OSTF1: variants seen among roughly 807,000 people sequenced by gnomAD.
OSTF1 encodes osteoclast stimulating factor 1.
Under a neutral mutation model 37.2 loss-of-function variants are expected in OSTF1, and 27 were observed. That is an observed-to-expected ratio of 0.73 (90% CI 0.54 to 1.00). OSTF1 has a LOEUF of 1.00. Among genes scored for constraint, OSTF1 ranks in the 50% least tolerant of loss-of-function variants. The pLI is 0.00. For missense variants in OSTF1, 232 were observed against 253.8 expected, an observed-to-expected ratio of 0.91 and a Z score of 0.58; for synonymous variants, 82 against 89.2, an observed-to-expected ratio of 0.92 and a Z score of 0.46.
intron 7 of OSTF1, among the ~76,000 whole-genome samples, chr9:75,136,698 C>T (rs186990561): frequency 8.0e-4 from 122 of 152,286 alleles, no homozygotes; most frequent in African/African-American, 2.6e-3. Flanking sequence ...GGCCCTTATC[C>T]ATTCATTTTT....
chr9:75,122,725 G>A (rs1825599333), intron 2 of OSTF1, among the ~76,000 whole-genome samples: 1 of 152,124 alleles, frequency 6.6e-6, no homozygotes, highest in Non-Finnish European at 1.5e-5. Context: ...GTAACATGAT[G>A]ATAAGAATAG....
chr9:75,095,806 T>A (rs1300882529), intron 1 of OSTF1, among the ~76,000 whole-genome samples: 1 of 152,206 alleles, frequency 6.6e-6, no homozygotes, highest in Non-Finnish European at 1.5e-5. Context: ...TAACAGTTGC[T>A]GTAGGTGTTT....
At chr9:75,105,943 G>GAAA (rs1279934597) in intron 1 of OSTF1, among the ~76,000 whole-genome samples, 1 of 152,142 alleles carries the variant, frequency 6.6e-6, no homozygotes, top group East Asian at 1.9e-4. Context: ...TATAAGCAAA[G>GAAA]AAAAAATGGA....
chr9:75,117,457 A>C, intron 1 of OSTF1, 47 bp from the exon 2 acceptor site: 1 of 1,407,834 alleles, frequency 7.1e-7, no homozygotes, highest in East Asian at 2.3e-5. Flanking sequence ...ATTAAGAGCA[A>C]ATTCAGGAAT....
intron 2 of OSTF1, 42 bp from the exon 3 acceptor site, chr9:75,127,527 C>G (rs201254460): frequency 8.9e-7 from 1 of 1,125,808 alleles, no homozygotes; most frequent in African/African-American, 1.6e-5. Flanking sequence ...TATTCTAATT[C>G]ATGAAAAATC....
At chr9:75,114,387 A>G (rs530091584) in intron 1 of OSTF1, among the ~76,000 whole-genome samples, 10 of 152,276 alleles carry the variant, frequency 6.6e-5, no homozygotes, top group African/African-American at 2.4e-4. Context: ...ATTAACTAAA[A>G]TAATATTAAA....
At chr9:75,114,396 A>G (rs1055317436) in intron 1 of OSTF1, among the ~76,000 whole-genome samples, 4 of 152,172 alleles carry the variant, frequency 2.6e-5, no homozygotes, top group Admixed American at 2.0e-4. Context: ...AATAATATTA[A>G]AAATCAATTT....
intron 2 of OSTF1, among the ~76,000 whole-genome samples, chr9:75,123,788 A>C (rs555692682): frequency 6.6e-6 from 1 of 152,148 alleles, no homozygotes; most frequent in African/African-American, 2.4e-5. Flanking sequence ...AAAGAGAATA[A>C]ACTGTCGACT....
At chr9:75,100,458 G>A (rs371423093) in intron 1 of OSTF1, among the ~76,000 whole-genome samples, 3 of 152,030 alleles carry the variant, frequency 2.0e-5, no homozygotes, top group Non-Finnish European at 2.9e-5. Context: ...GGCCAGGCGC[G>A]GTGGCTCACG....
At chr9:75,139,027 C>CTTCTTTCT (rs201231543) in intron 8 of OSTF1, among the ~76,000 whole-genome samples, 2,797 of 120,534 alleles carry the variant, frequency 0.023, 264 homozygotes, top group African/African-American at 0.076. Context: ...TTTGGGGACA[C>CTTCTTTCT]TTCTTTCTTT....
intron 2 of OSTF1, among the ~76,000 whole-genome samples, chr9:75,123,285 G>T (rs1825609459): frequency 1.3e-5 from 2 of 152,220 alleles, no homozygotes; most frequent in South Asian, 4.1e-4. Flanking sequence ...AGCCGGGCGA[G>T]GTGGCAGGCA....
intron 1 of OSTF1, among the ~76,000 whole-genome samples, chr9:75,092,741 A>T (rs909958520): frequency 6.6e-6 from 1 of 152,170 alleles, no homozygotes; most frequent in African/African-American, 2.4e-5. Flanking sequence ...AAATAAAAAC[A>T]ATTACCCTCA....
chr9:75,123,468 CAG>C (rs1259183163), intron 2 of OSTF1, among the ~76,000 whole-genome samples: 2 of 152,146 alleles, frequency 1.3e-5, no homozygotes, highest in South Asian at 2.1e-4. Context: ...AAGCTGGAAA[CAG>C]AGAAGTGCAT....
chr9:75,134,242 G>T, intron 6 of OSTF1, 104 bp from the exon 7 acceptor site: 2 of 504,740 alleles, frequency 4.0e-6, no homozygotes, highest in South Asian at 3.5e-5. Context: ...ACATTTTCTT[G>T]AAGGTTCTTC....
rs1255461043 is a variant in OSTF1, at chr9:75,119,763, G to A, written c.81+2213G>A. ...GGGTGGATCACGAGGTCAGAAGATC[G>A]AGGCCATCCTGGCCAACATGGTGAA... On this transcript the variant is annotated intron_variant, in intron 2 of 9. Transcript: ENST00000346234. Among the ~76,000 whole-genome samples, 4 of 152,160 alleles carry A rather than the reference G, an allele frequency of 2.6e-5. No homozygotes were observed. In the East Asian group the frequency reaches 5.8e-4, roughly 22 times the overall value.
At chr9:75,107,603 C>T (rs932471312) in intron 1 of OSTF1, among the ~76,000 whole-genome samples, 1 of 152,188 alleles carries the variant, frequency 6.6e-6, no homozygotes, top group Non-Finnish European at 1.5e-5. Context: ...GTAACAATTC[C>T]TAATTTTATC....
intron 1 of OSTF1, among the ~76,000 whole-genome samples, 164 bp downstream of exon 1, chr9:75,088,890 C>T (rs547240718): frequency 5.9e-5 from 9 of 151,854 alleles, no homozygotes; most frequent in East Asian, 1.9e-4. Context: ...TTCGCTGTTA[C>T]GGAGGAGGGA....
intron 1 of OSTF1, among the ~76,000 whole-genome samples, chr9:75,106,004 A>G (rs1001073465): frequency 1.3e-5 from 2 of 152,226 alleles, no homozygotes; most frequent in Admixed American, 6.5e-5. Flanking sequence ...GAAAACACTC[A>G]GGCTACTGTT....
chr9:75,110,218 C>G (rs1368391169), intron 1 of OSTF1, among the ~76,000 whole-genome samples: 1 of 152,016 alleles, frequency 6.6e-6, no homozygotes, highest in Non-Finnish European at 1.5e-5. Context: ...AGTCGTTTCA[C>G]TGCCCTAAAC....
Sources: gnomAD v4.1 joint callset for allele counts (sites outside exome capture counted in the v4.1 genomes callset) on GRCh38, gnomAD v4.1.1 for gene constraint, MANE v1.5 for transcripts, NCBI Gene and HGNC (gene_info 2026-07-23, HGNC 2026-07-21) for gene names.